PSEN1: variants seen among roughly 807,000 people sequenced by gnomAD.
The protein encoded by PSEN1 is presenilin 1.
In PSEN1, 15 loss-of-function variants were observed where a neutral mutation model predicts 53.5. The observed-to-expected ratio is 0.28, with a 90% CI of 0.19 to 0.43. The LOEUF is 0.43. PSEN1 is among the 20% of genes least tolerant of loss of function. The pLI is 1.00. For missense variants in PSEN1, 387 were observed against 571.2 expected (o/e 0.68, Z 3.29); for synonymous variants, 208 against 209.8 (o/e 0.99, Z 0.08).
intron 3 of PSEN1, among the ~76,000 whole-genome samples, chr14:73,166,158 A>G (rs1422845994): frequency 1.3e-5 from 2 of 152,224 alleles, no homozygotes; most frequent in Non-Finnish European, 2.9e-5. Context: ...ACAGTGTTCT[A>G]GTATCCATCT....
At position 73,220,299 on chromosome 14, in the gene PSEN1, T is replaced by A. The variant is rs199676539; in HGVS notation, c.*1010T>A. On this transcript the variant is annotated 3_prime_UTR_variant, in exon 12 of 12. Transcript: ENST00000324501. ...TTTGTATGATGAAAAGAATGTGTTA[T>A]GAATCGGTGCTGTCAGCCCTGCTGT... 1 of 152,670 alleles carries A rather than the reference T, an allele frequency of 6.6e-6. No individual in the cohort carries two copies. The highest frequency in any genetic ancestry group is 1.5e-5 in the Non-Finnish European group (1 of 68,054). The allele number at this position is 152,670 out of a possible 1,614,324, so 9.5% of individuals were successfully genotyped here.
At chr14:73,178,478 A>C (rs1319060489) in intron 5 of PSEN1, among the ~76,000 whole-genome samples, 2 of 152,174 alleles carry the variant, frequency 1.3e-5, no homozygotes, top group Non-Finnish European at 2.9e-5. Flanking sequence ...GTGAGCCACC[A>C]TGCCTGGCTC....
chr14:73,173,463 A>G (rs1897950027), intron 4 of PSEN1, 103 bp from the exon 5 acceptor site: 1 of 1,184,378 alleles, frequency 8.4e-7, no homozygotes, highest in Non-Finnish European at 1.3e-6. Context: ...CTTATAAGAT[A>G]CGAATTGAAT....
At chr14:73,170,187 T>C (rs1897844829) in intron 3 of PSEN1, among the ~76,000 whole-genome samples, 1 of 152,184 alleles carries the variant, frequency 6.6e-6, no homozygotes, top group African/African-American at 2.4e-5. Flanking sequence ...TTGGTTTTGG[T>C]GGGTTTTGGC....
At chr14:73,171,878 A>G (rs886335211) in intron 4 of PSEN1, among the ~76,000 whole-genome samples, 4 of 152,240 alleles carry the variant, frequency 2.6e-5, no homozygotes, top group Admixed American at 2.0e-4. Context: ...TAAATCCTCA[A>G]AGATAACATT....
chr14:73,173,825 T>G (rs1238193846), intron 5 of PSEN1, 118 bp downstream of exon 5: 2 of 1,281,236 alleles, frequency 1.6e-6, no homozygotes, highest in African/African-American at 2.9e-5. Flanking sequence ...TAGAGATAAG[T>G]TAATTTTTAG....
intron 3 of PSEN1, among the ~76,000 whole-genome samples, chr14:73,150,873 C>G (rs1293185929): frequency 6.6e-6 from 1 of 151,660 alleles, no homozygotes; most frequent in East Asian, 1.9e-4. Flanking sequence ...ACAGACCATC[C>G]TGGTCAACAT....
intron 5 of PSEN1, chr14:73,174,033 A>T (rs1182316394): frequency 5.0e-5 from 24 of 482,808 alleles, no homozygotes; most frequent in Non-Finnish European, 2.9e-5. Flanking sequence ...TATGCATGGA[A>T]TCTATATGTC....
At chr14:73,154,249 TTC>T (rs1032577104) in intron 3 of PSEN1, among the ~76,000 whole-genome samples, 11 of 152,070 alleles carry the variant, frequency 7.2e-5, no homozygotes, top group Admixed American at 3.3e-4. Context: ...AAAAATAAGT[TTC>T]TGTTTTCTTT....
At chr14:73,160,583 G>C (rs1459368597) in intron 3 of PSEN1, among the ~76,000 whole-genome samples, 1 of 151,998 alleles carries the variant, frequency 6.6e-6, no homozygotes, top group Non-Finnish European at 1.5e-5. Context: ...TTTTTTGGTA[G>C]TGGCCATCCT....
chr14:73,137,122 C>CA (rs1448549005), intron 1 of PSEN1: 1 of 152,694 alleles, frequency 6.5e-6, no homozygotes, highest in Non-Finnish European at 1.5e-5. Flanking sequence ...GCTTCCCTCT[C>CA]AGATTCTTCT....
chr14:73,182,086 G>A (rs1481320489), intron 5 of PSEN1, among the ~76,000 whole-genome samples: 1 of 152,138 alleles, frequency 6.6e-6, no homozygotes, highest in Non-Finnish European at 1.5e-5. Flanking sequence ...AAAGGGAAAT[G>A]TTGGTATTAA....
intron 3 of PSEN1, among the ~76,000 whole-genome samples, chr14:73,153,843 G>C (rs904473745): frequency 9.2e-5 from 14 of 151,488 alleles, no homozygotes; most frequent in African/African-American, 3.4e-4. Flanking sequence ...CTCCCGAGTA[G>C]TTGGGATTAA....
chr14:73,209,442 T>G (rs1225018399), intron 9 of PSEN1, among the ~76,000 whole-genome samples: 1 of 152,244 alleles, frequency 6.6e-6, no homozygotes, highest in Non-Finnish European at 1.5e-5. Flanking sequence ...AATGATTGTC[T>G]GTGAGCATGT....
At chr14:73,193,063 C>T (rs1358656027) in intron 7 of PSEN1, among the ~76,000 whole-genome samples, 199 bp downstream of exon 7, 1 of 152,112 alleles carries the variant, frequency 6.6e-6, no homozygotes, top group Non-Finnish European at 1.5e-5. Flanking sequence ...GTAATCTTAG[C>T]ACTTTGGGAG....
intron 11 of PSEN1, among the ~76,000 whole-genome samples, chr14:73,218,118 GTC>G (rs1408712444): frequency 1.7e-5 from 2 of 119,382 alleles, no homozygotes; most frequent in Non-Finnish European, 3.3e-5. Flanking sequence ...TGGAGACAGA[GTC>G]TTGCTCTGTC....
At chr14:73,175,035 G>C (rs1248312946) in intron 5 of PSEN1, among the ~76,000 whole-genome samples, 1 of 152,152 alleles carries the variant, frequency 6.6e-6, no homozygotes, top group Non-Finnish European at 1.5e-5. Flanking sequence ...AATTATAAGT[G>C]TTCGGCCAGG....
At chr14:73,177,715 T>C (rs1212038461) in intron 5 of PSEN1, among the ~76,000 whole-genome samples, 1 of 152,226 alleles carries the variant, frequency 6.6e-6, no homozygotes, top group Admixed American at 6.5e-5. Flanking sequence ...TCAGCCTCCA[T>C]GGTTTCTCAT....
intron 5 of PSEN1, among the ~76,000 whole-genome samples, chr14:73,181,379 T>G (rs1447593509): frequency 6.6e-6 from 1 of 151,854 alleles, no homozygotes; most frequent in Non-Finnish European, 1.5e-5. Context: ...GGAGTGGAGG[T>G]TGCGGTGAGA....
Sources: gnomAD v4.1 joint callset for allele counts (sites outside exome capture counted in the v4.1 genomes callset) on GRCh38, gnomAD v4.1.1 for gene constraint, MANE v1.5 for transcripts, NCBI Gene and HGNC (gene_info 2026-07-23, HGNC 2026-07-21) for gene names.